Variants in THBS1 observed in about 807,000 individuals in gnomAD.
THBS1 encodes thrombospondin-1.
Under a neutral mutation model 126.1 loss-of-function variants are expected in THBS1, and 29 were observed. The ratio of observed to expected loss-of-function variants is 0.23; its 90% CI spans 0.17 to 0.31. The LOEUF is 0.31. THBS1 is among the 10% of genes least tolerant of loss of function. The probability of loss-of-function intolerance (pLI) is 1.00; values close to 1 mark genes in which losing one functional copy is unlikely to be tolerated. For missense variants in THBS1, 1,198 were observed against 1,545.2 expected, an observed-to-expected ratio of 0.78 and a Z score of 3.77; for synonymous variants, 496 against 577.8, an observed-to-expected ratio of 0.86 and a Z score of 2.03.
Position 39,591,310 on chromosome 15 carries a change from T to C in THBS1, c.2373T>C (p.Asn791=), listed in dbSNP as rs201916100. ...HNPDQADTDN[N]GEGDACAADI... is the part of the protein sequence containing the mutation. ...CAGATCAGGCAGACACAGACAACAATGGGGAAGGAGACGCCTGTGCTGCAG... is the reference window on the plus strand; with the variant it reads ...CAGATCAGGCAGACACAGACAACAACGGGGAAGGAGACGCCTGTGCTGCAG... Residue 791 remains asparagine (N), a synonymous_variant, in exon 15 of 22, where the codon AAT becomes AAC. Coordinates refer to ENST00000260356, the MANE Select transcript of THBS1 (RefSeq NM_003246.4). The C allele has an allele frequency of 3.5e-5, 56 of 1,614,034 alleles. No individual in the cohort carries two copies. Among genetic ancestry groups the C allele is most frequent in the Non-Finnish European group, 4.6e-5 (54 of 1,180,002 alleles).
At position 39,583,598 on chromosome 15, in the gene THBS1, G is replaced by A. The variant is rs772572686; in HGVS notation, c.628-19G>A. ...CCCCGCTCTGCATTCTACAAGTAAT[G>A]TGTGTCCTCTGCCCACAGGGGGTGC... On this transcript the variant is annotated intron_variant, in intron 3 of 21. Transcript: ENST00000260356. The A allele has an allele frequency of 1.0e-5, 12 of 1,195,180 alleles. No individual in the cohort carries two copies. Among genetic ancestry groups the A allele is most frequent in the Non-Finnish European group, 1.4e-5 (12 of 858,242 alleles). The allele number at this position is 1,195,180 out of a possible 1,614,324, so 74.0% of individuals were successfully genotyped here. A position where few individuals can be genotyped will look rare whatever the true frequency, so the allele number is the denominator to read the frequency against.
Position 39,595,971 on chromosome 15 carries a change from T to C in THBS1, c.*602T>C, listed in dbSNP as rs1255050819. On this transcript the variant is annotated 3_prime_UTR_variant, in exon 22 of 22. Transcript: ENST00000260356. Reference sequence around the variant, plus strand: ...TGACTGGCGTTAGCTGATTAACCCATGTAAATAGGCACTTAAATAGAAGCA... The same window carrying C: ...TGACTGGCGTTAGCTGATTAACCCACGTAAATAGGCACTTAAATAGAAGCA... 9 of 414,988 alleles carry C rather than the reference T, an allele frequency of 2.2e-5. No individual in the cohort carries two copies. Among genetic ancestry groups the C allele is most frequent in the Non-Finnish European group, 4.4e-5 (9 of 204,004 alleles). The allele number at this position is 414,988 out of a possible 1,614,324, so 25.7% of individuals were successfully genotyped here. A position where few individuals can be genotyped will look rare whatever the true frequency, so the allele number is the denominator to read the frequency against.
rs1890280688 is a variant in THBS1, at chr15:39,589,318, C to T, written c.1890C>T (p.Phe630=). The T allele has an allele frequency of 2.5e-6, 4 of 1,614,106 alleles. No individual in the cohort carries two copies. Among genetic ancestry groups the T allele is most frequent in the African/African-American group, 1.3e-5 (1 of 75,062 alleles). ...CACGCTTCACCGGCTCACAGCCCTTCGGCCAGGGTGTCGAACATGCCACGG... is the reference window on the plus strand; with the variant it reads ...CACGCTTCACCGGCTCACAGCCCTTTGGCCAGGGTGTCGAACATGCCACGG... The part of the protein sequence containing the change: ...CPPRFTGSQP[F]GQGVEHATAN... The change falls in exon 12 of 22, where the codon TTC becomes TTT. Residue 630 remains phenylalanine (F), a synonymous_variant. Transcript: ENST00000260356. This position sits in a 1 kb window ranked among gnomAD's most constrained non-coding sequence, Gnocchi z 4.7.
chr15:39,587,191 G>C, intron 7 of THBS1, 156 bp from the exon 8 acceptor site: 1 of 623,534 alleles, frequency 1.6e-6, no homozygotes, highest in African/African-American at 1.8e-5. Flanking sequence ...CACCTTAAAT[G>C]TATATAATAT....
At position 39,592,575 on chromosome 15, in the gene THBS1, C is replaced by CT; in HGVS notation, c.2541dup (p.Asp848Ter). 1 of 1,612,420 alleles carries CT rather than the reference C, an allele frequency of 6.2e-7. No homozygotes were observed. The highest frequency in any genetic ancestry group is 8.5e-7 in the Non-Finnish European group (1 of 1,179,150). On this transcript the variant is annotated frameshift_variant, in exon 17 of 22. Coordinates refer to ENST00000260356, the MANE Select transcript of THBS1 (RefSeq NM_003246.4). LOFTEE classifies it high-confidence loss of function. The surrounding 1 kb of genome is among the most constrained non-coding windows in gnomAD (Gnocchi z 4.3). ...TTTACATCTCTCTTTCAGCTGGACTCTGACTCAGACCGCATTGGAGATACC... is the reference window on the plus strand; with the variant it reads ...TTTACATCTCTCTTTCAGCTGGACTCTTGACTCAGACCGCATTGGAGATACC...
intron 10 of THBS1, 23 bp from the exon 11 acceptor site, chr15:39,588,932 GTGAC>G (rs1342033585): frequency 6.2e-7 from 1 of 1,614,036 alleles, no homozygotes; most frequent in Non-Finnish European, 8.5e-7. Context: ...ACCATTTACT[GTGAC>G]TGTCTCTCTC....
At chr15:39,585,361 T>C (rs746496913) in intron 6 of THBS1, 109 bp from the exon 7 acceptor site, 46 of 918,066 alleles carry the variant, frequency 5.0e-5, no homozygotes, top group African/African-American at 2.0e-4. Flanking sequence ...CACTAGAGCA[T>C]TGACAGCCCT....
rs1037609165 is a variant in THBS1, at chr15:39,594,800, G to A, written c.3505+360G>A. Among the ~76,000 whole-genome samples the A allele has an allele frequency of 3.3e-5, 5 of 152,176 alleles. No homozygotes were observed. The highest frequency in any genetic ancestry group is 1.3e-4 in the Admixed American group (2 of 15,282). On this transcript the variant is annotated intron_variant, in intron 21 of 21. Coordinates refer to ENST00000260356, the MANE Select transcript of THBS1 (RefSeq NM_003246.4). This position sits in a 1 kb window ranked among gnomAD's most constrained non-coding sequence, Gnocchi z 4.4. ...TGTTTTATGCATGCCATCACAGCACGAGTTAGCATTCCCAACTTTTCCCTG... is the reference window on the plus strand; with the variant it reads ...TGTTTTATGCATGCCATCACAGCACAAGTTAGCATTCCCAACTTTTCCCTG...
At position 39,581,919 on chromosome 15, in the gene THBS1, T is replaced by C. The variant is rs1890115428; in HGVS notation, c.62T>C (p.Ile21Thr). Residue 21 changes from isoleucine to threonine, a missense_variant, in exon 2 of 22, where the codon ATT becomes ACT. Around this residue, in one of 4 missense-constraint regions of THBS1, gnomAD observed 271 missense variants for 277.0 expected, o/e 0.98. Transcript: ENST00000260356. ...FLMHVCGTNR[I>T]PESGGDNSVF... Reference sequence around the variant, plus strand: ...ATGCATGTGTGTGGCACCAACCGCATTCCAGGTGAGTTTGTGTGGCACCTT... The same window carrying C: ...ATGCATGTGTGTGGCACCAACCGCACTCCAGGTGAGTTTGTGTGGCACCTT... 2.5e-6 allele frequency: 4 copies of C among 1,614,138 alleles called. 1 individual carries two copies. In the East Asian group the frequency reaches 8.9e-5, roughly 36 times the overall value.
Position 39,594,940 on chromosome 15 carries a change from C to T in THBS1, c.3506-422C>T, listed in dbSNP as rs183167736. Among the ~76,000 whole-genome samples the T allele has an allele frequency of 2.0e-3, 310 of 152,192 alleles. 1 individual carries two copies. The highest frequency in any genetic ancestry group is 6.9e-3 in the African/African-American group (285 of 41,506). ...TTTTTACTTAGTCATTACTTAAGCTCGCTGAGTCCAACACTGGCTCTACCA... is the reference window on the plus strand; with the variant it reads ...TTTTTACTTAGTCATTACTTAAGCTTGCTGAGTCCAACACTGGCTCTACCA... On this transcript the variant is annotated intron_variant, in intron 21 of 21. Transcript: ENST00000260356. The surrounding 1 kb of genome is among the most constrained non-coding windows in gnomAD (Gnocchi z 4.4).
At position 39,582,587 on chromosome 15, in the gene THBS1, G is replaced by A. The variant is rs1202146517; in HGVS notation, c.462G>A (p.Lys154=). The change falls in exon 3 of 22, where the codon AAG becomes AAA. Residue 154 remains lysine, a synonymous_variant. Coordinates refer to ENST00000260356, the MANE Select transcript of THBS1 (RefSeq NM_003246.4). ...EEALLATGQW[K]SITLFVQEDR... Reference sequence around the variant, plus strand: ...CTCTCCTGGCAACCGGCCAGTGGAAGAGCATCACCCTGTTTGTGCAGGAAG... The same window carrying A: ...CTCTCCTGGCAACCGGCCAGTGGAAAAGCATCACCCTGTTTGTGCAGGAAG... 3 of 1,614,168 alleles carry A rather than the reference G, an allele frequency of 1.9e-6. No individual in the cohort carries two copies. Among genetic ancestry groups the A allele is most frequent in the Non-Finnish European group, 2.5e-6 (3 of 1,180,040 alleles).
At chr15:39,587,642 A>G in intron 8 of THBS1, 122 bp downstream of exon 8, 1 of 1,073,812 alleles carries the variant, frequency 9.3e-7, no homozygotes. Context: ...TCCCAATCCC[A>G]CTGCTTAGCT....
In THBS1 at chr15:39,582,276, G is replaced by A. The variant is rs1890123327; in HGVS notation, c.151G>A (p.Gly51Ser). The part of the protein sequence containing the change: ...RKGSGRRLVK[G>S]PDPSSPAFRI... ...GGGGTCTGGGCGCCGACTGGTGAAG[G>A]GCCCCGACCCTTCCAGCCCAGCTTT... The change falls in exon 3 of 22, where the codon GGC (glycine) becomes AGC (serine). Residue 51 changes from glycine to serine, a missense_variant. Transcript: ENST00000260356. The A allele has an allele frequency of 6.2e-7, 1 of 1,614,114 alleles. No individual in the cohort carries two copies. The highest frequency in any genetic ancestry group is 8.5e-7 in the Non-Finnish European group (1 of 1,180,020).
intron 9 of THBS1, 102 bp downstream of exon 9, chr15:39,588,320 A>C: frequency 2.1e-6 from 3 of 1,420,664 alleles, no homozygotes; most frequent in Non-Finnish European, 2.8e-6. Flanking sequence ...TAGAGCAGGA[A>C]GGTTACCTAC....
intron 3 of THBS1, among the ~76,000 whole-genome samples, chr15:39,583,175 T>C (rs141760601): frequency 6.6e-6 from 1 of 152,366 alleles, no homozygotes; most frequent in African/African-American, 2.4e-5. Context: ...CACTTTGCTA[T>C]TGGATTCCTC....
rs985857254 is a variant in THBS1, at chr15:39,594,474, C to T, written c.3505+34C>T. The T allele has an allele frequency of 8.1e-6, 13 of 1,608,542 alleles. No homozygotes were observed. Among genetic ancestry groups the T allele is most frequent in the Admixed American group, 6.7e-5 (4 of 59,562 alleles). ...AACATCACCATGAATGTACACTGGA[C>T]ATCTCTATTTCAGACTAATATCAAG... is the stretch of plus-strand genomic sequence containing the variant. On this transcript the variant is annotated intron_variant, in intron 21 of 21. Transcript: ENST00000260356. The surrounding 1 kb of genome is among the most constrained non-coding windows in gnomAD (Gnocchi z 4.4).
At position 39,593,011 on chromosome 15, in the gene THBS1, G is replaced by A; in HGVS notation, c.2779G>A (p.Gly927Ser). 1 of 1,613,404 alleles carries A rather than the reference G, an allele frequency of 6.2e-7. No homozygotes were observed. Among genetic ancestry groups the A allele is most frequent in the South Asian group, 1.1e-5 (1 of 91,046 alleles). ...TTTTTTGACCTCAGGCGATGGTCGAGGTGATGCCTGCAAAGATGATTTTGA... is the reference window on the plus strand; with the variant it reads ...TTTTTTGACCTCAGGCGATGGTCGAAGTGATGCCTGCAAAGATGATTTTGA... ...DQKDSDGDGR[G>S]DACKDDFDHD... Residue 927 changes from glycine to serine, a missense_variant, in exon 18 of 22, where the codon GGT becomes AGT. Around this residue, in one of 4 missense-constraint regions of THBS1, gnomAD observed 255 missense variants for 373.9 expected, o/e 0.68. Transcript: ENST00000260356. The surrounding 1 kb of genome is among the most constrained non-coding windows in gnomAD (Gnocchi z 5.9).
intron 15 of THBS1, 63 bp from the exon 16 acceptor site, chr15:39,591,442 C>T (rs1890326893): frequency 6.2e-7 from 1 of 1,608,390 alleles, no homozygotes; most frequent in Non-Finnish European, 8.5e-7. Flanking sequence ...TATTAGTATG[C>T]ACTTTGGTGG....
Position 39,597,280 on chromosome 15 carries a change from G to GTTTTTTTT in THBS1, c.*1925_*1932dup. On this transcript the variant is annotated 3_prime_UTR_variant, in exon 22 of 22. Transcript: ENST00000260356. ...GTTGGTTTTTTCTTTTTTTTGTTTT[G>GTTTTTTTT]TTTTTTTTTTTTTTTTTTTTTGCTT... 5.8e-3 allele frequency: 276 copies of GTTTTTTTT among 47,976 alleles called. No individual in the cohort carries two copies. Among genetic ancestry groups the GTTTTTTTT allele is most frequent in the African/African-American group, 6.6e-3 (82 of 12,486 alleles). 3.0% of individuals were successfully genotyped at this position (47,976 alleles called of 1,614,324 possible).
Sources: allele counts gnomAD v4.1 joint callset (sites outside exome capture counted in the v4.1 genomes callset), GRCh38; gene constraint gnomAD v4.1.1; regional missense constraint gnomAD v4.1.1; non-coding constraint Gnocchi (gnomAD v3.1); transcripts MANE v1.5; gene names NCBI Gene and HGNC (gene_info 2026-07-23, HGNC 2026-07-21).